Variants in CYP2C19 observed in about 807,000 individuals in gnomAD.
The protein encoded by CYP2C19 is cytochrome P450 family 2 subfamily C member 19, also known as cytochrome P450 2C19.
In CYP2C19, 59 loss-of-function variants were observed where a neutral mutation model predicts 40.9. The ratio of observed to expected loss-of-function variants is 1.44; its 90% CI spans 1.17 to 1.79. The LOEUF is 1.79. CYP2C19 is among the 40% of genes most tolerant of loss of function. The pLI is 0.00. For missense variants in CYP2C19, 754 were observed against 596.9 expected (o/e 1.26, Z -2.74); for synonymous variants, 253 against 208.7 (o/e 1.21, Z -1.83).
At chr10:94,844,696 C>T (rs1202433916) in intron 7 of CYP2C19, among the ~76,000 whole-genome samples, 3 of 152,082 alleles carry the variant, frequency 2.0e-5, no homozygotes, top group African/African-American at 7.2e-5. Context: ...GGGGCTTACC[C>T]TGAGGTCACT....
chr10:94,800,134 G>T (rs761198407), intron 5 of CYP2C19, among the ~76,000 whole-genome samples: 1 of 152,144 alleles, frequency 6.6e-6, no homozygotes, highest in Non-Finnish European at 1.5e-5. Context: ...CCCCATCTTT[G>T]TGGTTTTATC....
chr10:94,788,456 C>T (rs1052420502), intron 5 of CYP2C19, among the ~76,000 whole-genome samples: 3 of 151,972 alleles, frequency 2.0e-5, no homozygotes, highest in African/African-American at 4.8e-5. Context: ...TGCAGTTTTG[C>T]TACATAGGTA....
intron 6 of CYP2C19, among the ~76,000 whole-genome samples, chr10:94,822,749 T>A (rs1473319155): frequency 6.6e-6 from 1 of 152,210 alleles, no homozygotes; most frequent in Non-Finnish European, 1.5e-5. Flanking sequence ...TTTTGGACTT[T>A]TTAATATTAA....
Position 94,850,015 on chromosome 10 carries a change from T to C in CYP2C19, c.1248T>C (p.Gly416=), listed in dbSNP as rs758986919. Reference sequence around the variant, plus strand: ...ACCCTCGTCACTTTCTGGATGAAGGTGGAAATTTTAAGAAAAGTAACTACT... The same window carrying C: ...ACCCTCGTCACTTTCTGGATGAAGGCGGAAATTTTAAGAAAAGTAACTACT... ...MFDPRHFLDE[G]GNFKKSNYFM... The change falls in exon 8 of 9, where the codon GGT becomes GGC. Residue 416 remains glycine (G), a synonymous_variant. Coordinates refer to ENST00000371321, the MANE Select transcript of CYP2C19 (RefSeq NM_000769.4). 4.3e-6 allele frequency: 7 copies of C among 1,613,588 alleles called. No homozygotes were observed. The East Asian group carries it at 1.6e-4, about 36-fold the overall frequency.
intron 5 of CYP2C19, among the ~76,000 whole-genome samples, chr10:94,813,211 A>G (rs1848952322): frequency 6.6e-6 from 1 of 152,128 alleles, no homozygotes; most frequent in Non-Finnish European, 1.5e-5. Flanking sequence ...ACAGAACAGC[A>G]AAGATTGCTG....
Position 94,820,645 on chromosome 10 carries a change from C to G in CYP2C19, c.961+8C>G. ...AGCACCCAGAGGTCACAGGTATGAT[C>G]ACAGAGGATGAGTTAATTGAGTTTT... On this transcript the variant is annotated splice_region_variant and intron_variant, in intron 6 of 8. Coordinates refer to ENST00000371321, the MANE Select transcript of CYP2C19 (RefSeq NM_000769.4). 6.2e-7 allele frequency: 1 copy of G among 1,614,138 alleles called. No individual in the cohort carries two copies. The highest frequency in any genetic ancestry group is 8.5e-7 in the Non-Finnish European group (1 of 1,179,994).
At chr10:94,799,554 G>T (rs745826190) in intron 5 of CYP2C19, among the ~76,000 whole-genome samples, 4 of 152,146 alleles carry the variant, frequency 2.6e-5, no homozygotes, top group Non-Finnish European at 5.9e-5. Flanking sequence ...GGCCTGCCTT[G>T]CTAGGTTGGG....
At chr10:94,774,585 G>A (rs1848380538) in intron 1 of CYP2C19, 1 of 176,720 alleles carries the variant, frequency 5.7e-6, no homozygotes, top group Admixed American at 5.5e-5. Context: ...TATGATGCAT[G>A]CTAATCATAA....
chr10:94,808,584 C>G (rs925089312), intron 5 of CYP2C19, among the ~76,000 whole-genome samples: 10 of 152,162 alleles, frequency 6.6e-5, no homozygotes, highest in Non-Finnish European at 1.2e-4. Context: ...TTCACCCACT[C>G]ACTGTCCCTC....
intron 1 of CYP2C19, among the ~76,000 whole-genome samples, chr10:94,763,193 T>G (rs1156733743): frequency 6.6e-6 from 1 of 152,190 alleles, no homozygotes; most frequent in Non-Finnish European, 1.5e-5. Flanking sequence ...GTAAGGGAAG[T>G]GTTTGTTATT....
At chr10:94,820,402 G>A (rs1849096210) in intron 5 of CYP2C19, 94 bp from the exon 6 acceptor site, 1 of 1,402,142 alleles carries the variant, frequency 7.1e-7, no homozygotes, top group Non-Finnish European at 1.0e-6. Context: ...CAGTTTCTAT[G>A]TTGGTAAGTA....
At chr10:94,830,098 C>G (rs2134277065) in intron 6 of CYP2C19, among the ~76,000 whole-genome samples, 1 of 152,276 alleles carries the variant, frequency 6.6e-6, no homozygotes, top group South Asian at 2.1e-4. Context: ...GAGGTTACTG[C>G]TGTCTTTTTG....
At chr10:94,841,642 C>T (rs1849496925) in intron 6 of CYP2C19, among the ~76,000 whole-genome samples, 9 of 152,136 alleles carry the variant, frequency 5.9e-5, no homozygotes, top group Admixed American at 5.9e-4. Flanking sequence ...TATAAACTTT[C>T]CTCTTAGTAC....
Position 94,820,603 on chromosome 10 carries a change from T to A in CYP2C19, c.927T>A (p.Ala309=). 6.2e-7 allele frequency: 1 copy of A among 1,614,154 alleles called. No homozygotes were observed. The highest frequency in any genetic ancestry group is 1.1e-5 in the South Asian group (1 of 91,084). Residue 309 remains alanine, a synonymous_variant, in exon 6 of 9, where the codon GCT becomes GCA. Transcript: ENST00000371321. ...CAACAAGCACAACCCTGAGATATGC[T>A]CTCCTTCTCCTGCTGAAGCACCCAG... ...TETTSTTLRY[A]LLLLLKHPEV... is the part of the protein sequence containing the mutation.
At chr10:94,821,104 G>A (rs1849114290) in intron 6 of CYP2C19, among the ~76,000 whole-genome samples, 1 of 151,872 alleles carries the variant, frequency 6.6e-6, no homozygotes. Context: ...AAAAGGAAAA[G>A]AAAAGAAAAG....
At chr10:94,768,030 C>T (rs993774363) in intron 1 of CYP2C19, among the ~76,000 whole-genome samples, 4 of 152,250 alleles carry the variant, frequency 2.6e-5, no homozygotes, top group Non-Finnish European at 5.9e-5. Flanking sequence ...GTAAGACTGC[C>T]ACCACCTTGG....
At chr10:94,796,283 G>T (rs1441143545) in intron 5 of CYP2C19, among the ~76,000 whole-genome samples, 1 of 152,078 alleles carries the variant, frequency 6.6e-6, no homozygotes, top group South Asian at 2.1e-4. Flanking sequence ...GTTTTTGTCA[G>T]GCTTGTCAAA....
Position 94,766,378 on chromosome 10 carries a change from A to G in CYP2C19, c.168+3505A>G, listed in dbSNP as rs574433832. Among the ~76,000 whole-genome samples the G allele has an allele frequency of 5.2e-4, 79 of 152,202 alleles. No homozygotes were observed. The South Asian group carries it at 9.4e-3, about 18-fold the overall frequency. ...GAAGGTAAAGATGGTGCTCTGGAAG[A>G]TGAGATCATTTTATCCAGGCCGAGT... On this transcript the variant is annotated intron_variant, in intron 1 of 8. Transcript: ENST00000371321.
intron 6 of CYP2C19, among the ~76,000 whole-genome samples, chr10:94,835,626 A>C (rs1365284880): frequency 8.6e-5 from 13 of 151,694 alleles, no homozygotes; most frequent in Admixed American, 8.5e-4. Context: ...TAAGACTGCC[A>C]CCTCTTTAGG....
Sources: allele counts gnomAD v4.1 joint callset (sites outside exome capture counted in the v4.1 genomes callset), GRCh38; gene constraint gnomAD v4.1.1; transcripts MANE v1.5; gene names NCBI Gene and HGNC (gene_info 2026-07-23, HGNC 2026-07-21).